The following COG7 variants were observed in gnomAD, a reference collection of about 807,000 sequenced individuals.
COG7 encodes the protein component of oligomeric golgi complex 7, also known as conserved oligomeric Golgi complex subunit 7.
Under a neutral mutation model 91.5 loss-of-function variants are expected in COG7, and 49 were observed. The observed-to-expected ratio is 0.54, with a 90% CI of 0.43 to 0.68. COG7 has a LOEUF of 0.68. Among genes scored for constraint, COG7 ranks in the 30% least tolerant of loss-of-function variants. COG7 has a pLI of 0.00. For missense variants in COG7, 895 were observed against 961.3 expected, an observed-to-expected ratio of 0.93 and a Z score of 0.91; for synonymous variants, 365 against 388.7, an observed-to-expected ratio of 0.94 and a Z score of 0.72.
intron 12 of COG7, 78 bp downstream of exon 12, chr16:23,405,998 T>C: frequency 7.3e-7 from 1 of 1,373,604 alleles, no homozygotes; most frequent in Non-Finnish European, 1.0e-6. Flanking sequence ...AGGGCCCGCC[T>C]GTAACCCAGA....
At chr16:23,406,873 G>A (rs1471959851) in intron 11 of COG7, among the ~76,000 whole-genome samples, 2 of 152,152 alleles carry the variant, frequency 1.3e-5, no homozygotes, top group Non-Finnish European at 2.9e-5. Flanking sequence ...AAAGACAAAC[G>A]CCTAGAGGAG....
intron 7 of COG7, among the ~76,000 whole-genome samples, chr16:23,424,371 G>A (rs1963810105): frequency 6.7e-6 from 1 of 149,100 alleles, no homozygotes; most frequent in Non-Finnish European, 1.5e-5. Context: ...TGAAATGTCT[G>A]AGGCTTCGTG....
At chr16:23,401,336 A>G (rs994398249) in intron 13 of COG7, among the ~76,000 whole-genome samples, 1 of 152,164 alleles carries the variant, frequency 6.6e-6, no homozygotes, top group Non-Finnish European at 1.5e-5. Context: ...CCCATTCCCA[A>G]GGGGCCACGG....
chr16:23,400,447 C>T (rs1963356109), intron 13 of COG7, among the ~76,000 whole-genome samples: 4 of 152,092 alleles, frequency 2.6e-5, no homozygotes, highest in Admixed American at 2.6e-4. Context: ...GAAGCAACGG[C>T]TTCCAGGAGA....
intron 6 of COG7, among the ~76,000 whole-genome samples, chr16:23,426,961 T>C (rs901692502): frequency 6.6e-6 from 1 of 152,114 alleles, no homozygotes; most frequent in Non-Finnish European, 1.5e-5. Flanking sequence ...AGTTAATAAA[T>C]TCAGGACAAG....
rs1399377806 is a variant in COG7 at position 23,408,896 on chromosome 16, ATTTTGC to A, written c.1475+1393_1475+1398del. On this transcript the variant is annotated intron_variant, in intron 11 of 16. Coordinates refer to ENST00000307149, the MANE Select transcript of COG7 (RefSeq NM_153603.4). Reference sequence around the variant, plus strand: ...TAAAAGATGGGCCTCTCTGGGCTGCATTTTGCAGCCCAGAGAGGCTGAAAGCCTGGC... The same window carrying A: ...TAAAAGATGGGCCTCTCTGGGCTGCAAGCCCAGAGAGGCTGAAAGCCTGGC... 4.6e-5 allele frequency among the ~76,000 whole-genome samples: 7 copies of A among 151,836 alleles called. No individual in the cohort carries two copies. In the East Asian group the frequency reaches 1.2e-3, roughly 25 times the overall value.
intron 14 of COG7, among the ~76,000 whole-genome samples, chr16:23,396,496 T>G (rs927274143): frequency 6.6e-6 from 1 of 151,904 alleles, no homozygotes; most frequent in Admixed American, 6.6e-5. Context: ...CTGGTCAACA[T>G]GACGAAACCC....
Position 23,434,626 on chromosome 16 carries a change from A to G in COG7, c.687+10T>C. On this transcript the variant is annotated intron_variant, in intron 5 of 16. Coordinates refer to ENST00000307149, the MANE Select transcript of COG7 (RefSeq NM_153603.4). ...CAACTGCACAACTGTCATCGCGCAC[A>G]GCTTCTTACCTTGTGACACTTGTAG... 6.2e-7 allele frequency: 1 copy of G among 1,605,890 alleles called. No individual in the cohort carries two copies. Among genetic ancestry groups the G allele is most frequent in the Non-Finnish European group, 8.5e-7 (1 of 1,172,444 alleles).
chr16:23,440,055 C>G (rs1472638540), intron 4 of COG7, among the ~76,000 whole-genome samples: 1 of 147,368 alleles, frequency 6.8e-6, no homozygotes, highest in Non-Finnish European at 1.5e-5. Flanking sequence ...TCAAGACCAA[C>G]CTGAGCAATA....
At position 23,453,040 on chromosome 16, in the gene COG7, C is replaced by G. The variant is rs1596964499; in HGVS notation, c.-46G>C. On this transcript the variant is annotated 5_prime_UTR_variant, in exon 1 of 17. Coordinates refer to ENST00000307149, the MANE Select transcript of COG7 (RefSeq NM_153603.4). The stretch of plus-strand genomic sequence containing the variant: ...GGCGTCCAGAACTTAAGAGTTGGCT[C>G]CGGGCGGCAACGGGGATGCAGAAGC... The G allele has an allele frequency of 6.2e-7, 1 of 1,611,678 alleles. No individual in the cohort carries two copies. The highest frequency in any genetic ancestry group is 8.5e-7 in the Non-Finnish European group (1 of 1,178,600).
intron 8 of COG7, 120 bp from the exon 9 acceptor site, chr16:23,417,241 T>A: frequency 9.5e-7 from 1 of 1,050,702 alleles, no homozygotes; most frequent in Non-Finnish European, 1.4e-6. Context: ...GTCAGAAATA[T>A]AGTCCCAACG....
intron 11 of COG7, among the ~76,000 whole-genome samples, chr16:23,408,901 G>T (rs1567333311): frequency 6.6e-6 from 1 of 151,696 alleles, no homozygotes; most frequent in Non-Finnish European, 1.5e-5. Context: ...GCTGCATTTT[G>T]CAGCCCAGAG....
In COG7 at chr16:23,452,823, C is replaced by A; in HGVS notation, c.169+3G>T. 1.2e-6 allele frequency: 2 copies of A among 1,611,074 alleles called. No individual in the cohort carries two copies. Among genetic ancestry groups the A allele is most frequent in the Non-Finnish European group, 1.7e-6 (2 of 1,179,062 alleles). ...CCCGCGGCCAGGGCCCCGAGCGGCT[C>A]ACCCTCCACGGCGTGGTTCACCTCT... On this transcript the variant is annotated splice_donor_region_variant and intron_variant, in intron 1 of 16. Transcript: ENST00000307149.
rs963453713 is a variant in COG7, at chr16:23,441,448, G to A, written c.604+1029C>T. 4.6e-5 allele frequency among the ~76,000 whole-genome samples: 7 copies of A among 152,086 alleles called. No homozygotes were observed. In the East Asian group the frequency reaches 7.7e-4, roughly 17 times the overall value. On this transcript the variant is annotated intron_variant, in intron 4 of 16. Coordinates refer to ENST00000307149, the MANE Select transcript of COG7 (RefSeq NM_153603.4). The stretch of plus-strand genomic sequence containing the variant: ...AAATTAGCCAGGTGTGGTGGCGCAC[G>A]TCTGTAATCCCAGCTACTCGGGAGA...
rs756142167 is a variant in COG7, at chr16:23,424,763, A to G, written c.995T>C (p.Leu332Pro). Residue 332 changes from leucine to proline, a missense_variant, in exon 7 of 17, where the codon CTG becomes CCG. Coordinates refer to ENST00000307149, the MANE Select transcript of COG7 (RefSeq NM_153603.4). ...AHFAKGLEMA[L>P]LPHLHEHNLV... ...GGAATGTTTACGTAGGTGGGGGAGC[A>G]GTGCCATCTCCAAGCCCTTGGCGAA... is the stretch of plus-strand genomic sequence containing the variant. 1.9e-6 allele frequency: 3 copies of G among 1,614,202 alleles called. No homozygotes were observed. Among genetic ancestry groups the G allele is most frequent in the Admixed American group, 1.7e-5 (1 of 60,024 alleles).
In COG7 at chr16:23,411,675, T is replaced by C. The variant is rs1257911507; in HGVS notation, c.1410-1315A>G. The stretch of plus-strand genomic sequence containing the variant: ...GAGGTGAGGTAATAATCTAAAATGG[T>C]CCTGAGTGGTCCTGGATCTACCCAA... On this transcript the variant is annotated intron_variant, in intron 10 of 16. Coordinates refer to ENST00000307149, the MANE Select transcript of COG7 (RefSeq NM_153603.4). Among the ~76,000 whole-genome samples, 4 of 152,080 alleles carry C rather than the reference T, an allele frequency of 2.6e-5. No homozygotes were observed. In the East Asian group the frequency reaches 7.7e-4, roughly 29 times the overall value.
intron 7 of COG7, among the ~76,000 whole-genome samples, chr16:23,419,748 CAAA>C (rs60636268): frequency 1.8e-5 from 1 of 55,244 alleles, no homozygotes. Context: ...GACTTCATCT[CAAA>C]AAAAAAAAAA....
chr16:23,425,905 C>T (rs1963838275), intron 6 of COG7, among the ~76,000 whole-genome samples: 1 of 151,964 alleles, frequency 6.6e-6, no homozygotes, highest in South Asian at 2.1e-4. Flanking sequence ...TGATGGTCAC[C>T]AAAAATTAAC....
chr16:23,433,551 A>G lies in COG7; in HGVS notation c.804T>C (p.Ala268=), dbSNP rs1456005632. The change falls in exon 6 of 17, where the codon GCT becomes GCC. Residue 268 remains alanine, a synonymous_variant. Transcript: ENST00000307149. The part of the protein sequence containing the change: ...LGAWHTQIQW[A]TQVFQKPHEV... ...AACAAAAATGAGCTGTTACCTGTGTAGCCCACTGGATTTGTGTGTGCCAAG... is the reference window on the plus strand; with the variant it reads ...AACAAAAATGAGCTGTTACCTGTGTGGCCCACTGGATTTGTGTGTGCCAAG... 2 of 1,613,962 alleles carry G rather than the reference A, an allele frequency of 1.2e-6. No homozygotes were observed. The highest frequency in any genetic ancestry group is 2.7e-5 in the African/African-American group (2 of 74,924).
Sources: allele counts gnomAD v4.1 joint callset (sites outside exome capture counted in the v4.1 genomes callset), GRCh38; gene constraint gnomAD v4.1.1; transcripts MANE v1.5; gene names NCBI Gene and HGNC (gene_info 2026-07-23, HGNC 2026-07-21).